Variants in ASB11 observed in about 807,000 individuals in gnomAD.
ASB11 encodes ankyrin repeat and SOCS box protein 11.
A neutral mutation model predicts 20.1 loss-of-function variants in ASB11; 17 were observed. The ratio of observed to expected loss-of-function variants is 0.85; its 90% CI spans 0.58 to 1.27. ASB11 has a LOEUF of 1.27. Among genes scored for constraint, ASB11 ranks in the 50% most tolerant of loss-of-function variants. The pLI is 0.00. For missense variants in ASB11, 259 were observed against 256.9 expected, an observed-to-expected ratio of 1.01 and a Z score of -0.06; for synonymous variants, 107 against 105.6, an observed-to-expected ratio of 1.01 and a Z score of -0.08.
intron 1 of ASB11, among the ~76,000 whole-genome samples, chrX:15,314,057 C>CAAA (rs760402919): frequency 1.1e-3 from 37 of 33,872 alleles, no homozygotes; most frequent in East Asian, 1.7e-3. Flanking sequence ...GACTCCATCT[C>CAAA]AAAAAAAAAA....
intron 3 of ASB11, among the ~76,000 whole-genome samples, chrX:15,295,623 G>A (rs754823761): frequency 2.1e-4 from 24 of 111,848 alleles, no homozygotes; most frequent in Non-Finnish European, 3.0e-4. Context: ...TGAGTTTGAG[G>A]TATTCATGGG....
At chrX:15,284,034 C>T (rs538804941) in intron 6 of ASB11, among the ~76,000 whole-genome samples, 114 of 108,717 alleles carry the variant, frequency 1.0e-3, no homozygotes, top group African/African-American at 2.4e-3. Context: ...GGGCGGATCA[C>T]GAGGTCAGGA....
chrX:15,283,247 T>C lies in ASB11; in HGVS notation c.*258A>G, dbSNP rs1467604889. The C allele has an allele frequency of 3.7e-6, 1 of 273,914 alleles. No individual in the cohort carries two copies. The highest frequency in any genetic ancestry group is 2.7e-5 in the African/African-American group (1 of 37,340). 22.6% of individuals were successfully genotyped at this position (273,914 alleles called of 1,213,427 possible). On this transcript the variant is annotated 3_prime_UTR_variant, in exon 7 of 7. Transcript: ENST00000480796. ...AAAAAACAGCCTATTGTTTTCACTC[T>C]ACTTCACAGTTCTTTTAAGTTTCTT...
At chrX:15,313,302 G>A (rs764486854) in intron 1 of ASB11, among the ~76,000 whole-genome samples, 1 of 111,122 alleles carries the variant, frequency 9.0e-6, no homozygotes, top group Non-Finnish European at 1.9e-5. Context: ...AGGAGGCTGA[G>A]GCACGAGAAT....
chrX:15,284,134 C>G (rs1271221653), intron 6 of ASB11, among the ~76,000 whole-genome samples: 1 of 106,571 alleles, frequency 9.4e-6, no homozygotes, highest in African/African-American at 3.5e-5. Context: ...TGCCTATAGT[C>G]CCAGCTACTC....
intron 1 of ASB11, among the ~76,000 whole-genome samples, chrX:15,311,253 G>A (rs1383029072): frequency 8.9e-6 from 1 of 112,574 alleles, no homozygotes; most frequent in Admixed American, 9.4e-5. Context: ...AGCTGTGTTA[G>A]ACACAATTAA....
At chrX:15,311,912 T>C (rs1921440731) in intron 1 of ASB11, among the ~76,000 whole-genome samples, 1 of 111,587 alleles carries the variant, frequency 9.0e-6, no homozygotes, top group African/African-American at 3.3e-5. Context: ...CCACCAGAAG[T>C]GCTGTGCAAT....
Position 15,284,159 on chromosome X carries a change from G to T in ASB11, c.848-530C>A, listed in dbSNP as rs902914712. 3.3e-3 allele frequency among the ~76,000 whole-genome samples: 348 copies of T among 106,430 alleles called. 2 individuals carry two copies. Among genetic ancestry groups the T allele is most frequent in the Middle Eastern group, 0.019 (4 of 214 alleles). The allele number at this position is 106,430 out of a possible 115,157, so 92.4% of individuals were successfully genotyped here. A position where few individuals can be genotyped will look rare whatever the true frequency, so the allele number is the denominator to read the frequency against. ...CCCAGCTACTCGGGAGGCTGAGGCA[G>T]GAGAATGGCGTGAACCCGGGAGGCG... is the stretch of plus-strand genomic sequence containing the variant. On this transcript the variant is annotated intron_variant, in intron 6 of 6. Transcript: ENST00000480796.
chrX:15,297,438 T>A (rs1038167895), intron 3 of ASB11, 136 bp downstream of exon 3: 6 of 430,478 alleles, frequency 1.4e-5, no homozygotes, highest in Non-Finnish European at 2.3e-5. Context: ...GTAGCCTAAA[T>A]GATGGAATAC....
intron 4 of ASB11, chrX:15,292,105 G>C (rs1927550577): frequency 9.1e-6 from 1 of 110,204 alleles, no homozygotes; most frequent in Non-Finnish European, 1.9e-5. Context: ...CAACTTAAAG[G>C]ACTTACATGA....
At position 15,297,309 on chromosome X, in the gene ASB11, C is replaced by CA. The variant is rs57648100; in HGVS notation, c.369+264dup. Among the ~76,000 whole-genome samples, 523 of 103,987 alleles carry CA rather than the reference C, an allele frequency of 5.0e-3. 2 individuals carry two copies. The highest frequency in any genetic ancestry group is 0.016 in the African/African-American group (463 of 28,265). 90.3% of individuals were successfully genotyped at this position (103,987 alleles called of 115,157 possible). On this transcript the variant is annotated intron_variant, in intron 3 of 6. Transcript: ENST00000480796. ...GTCTCAAAAACAAAACAAAACAAAA[C>CA]AAAAAAAAAACATGGTACAATAAAG...
At chrX:15,307,039 G>T (rs1921267196) in intron 1 of ASB11, among the ~76,000 whole-genome samples, 1 of 112,032 alleles carries the variant, frequency 8.9e-6, no homozygotes, top group Non-Finnish European at 1.9e-5. Context: ...TCACTTGAAG[G>T]TACTGTAAGT....
At chrX:15,309,114 G>T (rs768530830) in intron 1 of ASB11, among the ~76,000 whole-genome samples, 2 of 110,536 alleles carry the variant, frequency 1.8e-5, no homozygotes, top group Non-Finnish European at 3.8e-5. Flanking sequence ...ACGGGATTTC[G>T]CCATGTTGCC....
chrX:15,292,479 G>A (rs1927558992), intron 4 of ASB11, among the ~76,000 whole-genome samples: 2 of 111,326 alleles, frequency 1.8e-5, no homozygotes, highest in African/African-American at 6.5e-5. Context: ...GCATCTTCTC[G>A]GTTCAGGTCT....
At chrX:15,283,727 G>C (rs1039775703) in intron 6 of ASB11, 98 bp from the exon 7 acceptor site, 56 of 992,790 alleles carry the variant, frequency 5.6e-5, no homozygotes, top group Non-Finnish European at 7.7e-5. Context: ...TTTTCTAAAA[G>C]CAGAAGAGAA....
intron 2 of ASB11, among the ~76,000 whole-genome samples, chrX:15,299,161 A>G (rs754889462): frequency 8.9e-6 from 1 of 112,353 alleles, no homozygotes; most frequent in African/African-American, 3.2e-5. Context: ...CAAACTATAA[A>G]ATATTTGAAG....
Position 15,283,426 on chromosome X carries a change from G to A in ASB11, c.*79C>T, listed in dbSNP as rs1184955385. ...AAAGATACTAGGAGTCTAAGCTGTT[G>A]AGCTTCTACATTAGGTACTCTAGGT... On this transcript the variant is annotated 3_prime_UTR_variant, in exon 7 of 7. Coordinates refer to ENST00000480796, the MANE Select transcript of ASB11 (RefSeq NM_080873.3). 1 of 1,140,382 alleles carries A rather than the reference G, an allele frequency of 8.8e-7. No individual in the cohort carries two copies. Among genetic ancestry groups the A allele is most frequent in the African/African-American group, 1.8e-5 (1 of 55,619 alleles). The allele number at this position is 1,140,382 out of a possible 1,213,427, so 94.0% of individuals were successfully genotyped here.
intron 1 of ASB11, among the ~76,000 whole-genome samples, chrX:15,313,991 G>A (rs1040351680): frequency 4.8e-5 from 5 of 104,897 alleles, no homozygotes; most frequent in Non-Finnish European, 9.7e-5. Flanking sequence ...CTGGGAGGCG[G>A]AGGTTGCAGT....
At chrX:15,313,052 A>T (rs916723866) in intron 1 of ASB11, among the ~76,000 whole-genome samples, 1 of 111,528 alleles carries the variant, frequency 9.0e-6, no homozygotes, top group Admixed American at 9.6e-5. Context: ...AAAACACAGA[A>T]CCATGTGAAA....
Sources: gnomAD v4.1 joint callset for allele counts (sites outside exome capture counted in the v4.1 genomes callset) on GRCh38, gnomAD v4.1.1 for gene constraint, MANE v1.5 for transcripts, NCBI Gene and HGNC (gene_info 2026-07-23, HGNC 2026-07-21) for gene names.